Variants in STIM2 observed in about 807,000 individuals in gnomAD.
The protein encoded by STIM2 is stromal interaction molecule 2.
In STIM2, 31 loss-of-function variants were observed where a neutral mutation model predicts 85.8. The observed-to-expected ratio is 0.36, with a 90% CI of 0.27 to 0.49. The LOEUF (loss-of-function observed/expected upper bound fraction) is 0.49, where lower values mean the gene tolerates loss of function less well. Among genes scored for constraint, STIM2 ranks in the 20% least tolerant of loss-of-function variants. The pLI is 0.98. For synonymous variants in STIM2, 356 were observed against 331.1 expected (o/e 1.08, Z -0.82); for missense variants, 841 against 927.6 (o/e 0.91, Z 1.21).
chr4:26,971,420 A>G (rs1281977177), intron 3 of STIM2, among the ~76,000 whole-genome samples: 1 of 152,168 alleles, frequency 6.6e-6, no homozygotes, highest in Non-Finnish European at 1.5e-5. Context: ...TAATTTTTGT[A>G]TAAGGTGTAA....
At chr4:26,927,939 C>G (rs1052372643) in intron 2 of STIM2, among the ~76,000 whole-genome samples, 1 of 149,798 alleles carries the variant, frequency 6.7e-6, no homozygotes, top group Non-Finnish European at 1.5e-5. Context: ...TAGCAGGGTA[C>G]TATAGACTGG....
chr4:26,871,204 C>G (rs1330967752), intron 1 of STIM2, among the ~76,000 whole-genome samples: 2 of 151,930 alleles, frequency 1.3e-5, no homozygotes, highest in African/African-American at 4.8e-5. Context: ...TTAGAGAATC[C>G]CTGTGAGGTT....
chr4:26,896,448 C>A (rs1723706094), intron 1 of STIM2, among the ~76,000 whole-genome samples: 1 of 152,152 alleles, frequency 6.6e-6, no homozygotes, highest in Non-Finnish European at 1.5e-5. Context: ...ATCTTGGGAA[C>A]AATTTAGAAT....
intron 10 of STIM2, among the ~76,000 whole-genome samples, chr4:27,010,829 CAG>C (rs1163005518): frequency 2.0e-5 from 3 of 152,068 alleles, no homozygotes; most frequent in African/African-American, 7.2e-5. Flanking sequence ...AGAAAAAACA[CAG>C]AAAATATCAA....
At chr4:26,929,206 T>C (rs1725109464) in intron 2 of STIM2, among the ~76,000 whole-genome samples, 1 of 152,248 alleles carries the variant, frequency 6.6e-6, no homozygotes, top group Non-Finnish European at 1.5e-5. Context: ...TTGTTTTTAC[T>C]CAGTGTAACT....
chr4:26,941,054 A>G (rs536163345), intron 2 of STIM2, among the ~76,000 whole-genome samples: 1 of 152,162 alleles, frequency 6.6e-6, no homozygotes, highest in Non-Finnish European at 1.5e-5. Flanking sequence ...CAGTCTGGTC[A>G]TATTCTGCCT....
chr4:26,868,289 C>T (rs1722478229), intron 1 of STIM2, among the ~76,000 whole-genome samples: 2 of 152,104 alleles, frequency 1.3e-5, no homozygotes, highest in East Asian at 1.9e-4. Context: ...TTTCTTTTTG[C>T]GTATGGATTT....
rs1461162981 is a variant in STIM2, at chr4:26,904,170, G to GT, written c.152-15330dup. 3.5e-5 allele frequency among the ~76,000 whole-genome samples: 5 copies of GT among 141,156 alleles called. No homozygotes were observed. The East Asian group carries it at 1.1e-3, about 30-fold the overall frequency. The allele number at this position is 141,156 out of a possible 152,430, so 92.6% of individuals were successfully genotyped here. A position where few individuals can be genotyped will look rare whatever the true frequency, so the allele number is the denominator to read the frequency against. ...TCCATGTGTTCTCATTAATAATTCT[G>GT]TTTTCATGATCTCTGAGCAATCTTG... is the stretch of plus-strand genomic sequence containing the variant. On this transcript the variant is annotated intron_variant, in intron 1 of 11. Transcript: ENST00000467087.
At chr4:26,979,196 T>C (rs772142328) in intron 3 of STIM2, among the ~76,000 whole-genome samples, 1 of 152,226 alleles carries the variant, frequency 6.6e-6, no homozygotes, top group Admixed American at 6.5e-5. Context: ...TGAGTTTACC[T>C]AGAATCTCCA....
chr4:26,865,419 T>A (rs1722368055), intron 1 of STIM2, among the ~76,000 whole-genome samples: 3 of 152,188 alleles, frequency 2.0e-5, no homozygotes, highest in Admixed American at 6.5e-5. Context: ...TTTAGCTTCC[T>A]TTTATGCAAA....
chr4:26,987,198 C>T (rs894902646), intron 3 of STIM2, among the ~76,000 whole-genome samples: 1 of 152,184 alleles, frequency 6.6e-6, no homozygotes, highest in African/African-American at 2.4e-5. Context: ...CTTACAATCT[C>T]TTCATTCTCC....
intron 3 of STIM2, among the ~76,000 whole-genome samples, chr4:26,977,550 C>A (rs1049720483): frequency 6.6e-6 from 1 of 152,064 alleles, no homozygotes; most frequent in Non-Finnish European, 1.5e-5. Flanking sequence ...TGATGGTAAT[C>A]TGGTGAGAAG....
intron 2 of STIM2, among the ~76,000 whole-genome samples, chr4:26,950,395 C>G (rs75862384): frequency 0.015 from 2,347 of 152,248 alleles, 56 homozygotes; most frequent in African/African-American, 0.054. Flanking sequence ...ACCATAAATT[C>G]AGATTGGAAG....
chr4:27,008,098 T>G (rs1728431531), intron 8 of STIM2: 5 of 686,924 alleles, frequency 7.3e-6, no homozygotes, highest in Non-Finnish European at 1.3e-5. Context: ...ATTTAAAAGC[T>G]TAGTTCACTC....
chr4:26,907,877 A>C (rs1010005382), intron 1 of STIM2, among the ~76,000 whole-genome samples: 3 of 152,190 alleles, frequency 2.0e-5, no homozygotes, highest in Non-Finnish European at 4.4e-5. Flanking sequence ...TTCCCTTGCT[A>C]TGTGGCTGGC....
rs1577466795 is a variant in STIM2 at position 26,964,632 on chromosome 4, G to T, written c.397+6906G>T. 1.3e-5 allele frequency among the ~76,000 whole-genome samples: 2 copies of T among 152,052 alleles called. 1 individual carries two copies. Among genetic ancestry groups the T allele is most frequent in the Admixed American group, 1.3e-4 (2 of 15,248 alleles). ...TTTTTGGATCCACTGGGCTTGGAGG[G>T]GGGGTTTATTTAACTGATTCATACA... is the stretch of plus-strand genomic sequence containing the variant. On this transcript the variant is annotated intron_variant, in intron 3 of 11. Transcript: ENST00000467087.
chr4:26,967,631 C>T (rs1726772500), intron 3 of STIM2, among the ~76,000 whole-genome samples: 1 of 152,146 alleles, frequency 6.6e-6, no homozygotes, highest in South Asian at 2.1e-4. Context: ...ATTGTGAATC[C>T]TGTGACTGAT....
intron 3 of STIM2, among the ~76,000 whole-genome samples, chr4:26,960,835 G>A (rs1040633488): frequency 2.6e-5 from 4 of 151,986 alleles, no homozygotes; most frequent in African/African-American, 9.7e-5. Context: ...AGGCCTAGGC[G>A]AGCAGAGCAC....
chr4:26,873,861 G>T, intron 1 of STIM2: 2 of 1,169,264 alleles, frequency 1.7e-6, no homozygotes, highest in Non-Finnish European at 2.5e-6. Context: ...GAACCCATCC[G>T]GGCAGAGAGG....
Sources: allele counts gnomAD v4.1 joint callset (sites outside exome capture counted in the v4.1 genomes callset), GRCh38; gene constraint gnomAD v4.1.1; transcripts MANE v1.5; gene names NCBI Gene and HGNC (gene_info 2026-07-23, HGNC 2026-07-21).